The following LSM12 variants were observed in gnomAD, a reference collection of about 807,000 sequenced individuals.
LSM12 encodes the protein protein LSM12.
For synonymous variants in LSM12, 74 were observed against 87.3 expected, an observed-to-expected ratio of 0.85 and a Z score of 0.85; for missense variants, 108 against 238.9, an observed-to-expected ratio of 0.45 and a Z score of 3.61.
At chr17:44,040,741 G>A (rs188666677) in intron 2 of LSM12, among the ~76,000 whole-genome samples, 6 of 151,848 alleles carry the variant, frequency 4.0e-5, no homozygotes, top group East Asian at 3.9e-4. Context: ...TTGGGAGGCC[G>A]AGGCAGGTGG....
intron 2 of LSM12, among the ~76,000 whole-genome samples, chr17:44,053,409 C>T (rs1343761796): frequency 6.6e-6 from 1 of 152,206 alleles, no homozygotes; most frequent in African/African-American, 2.4e-5. Context: ...TATGCTGTCA[C>T]GTACCTTGGA....
At chr17:44,052,662 G>A (rs1169037071) in intron 2 of LSM12, among the ~76,000 whole-genome samples, 1 of 151,924 alleles carries the variant, frequency 6.6e-6, no homozygotes, top group African/African-American at 2.4e-5. Context: ...GGGAGGCTGA[G>A]GCAGGAGAAT....
At chr17:44,064,413 G>C (rs1006974771) in intron 1 of LSM12, among the ~76,000 whole-genome samples, 5 of 152,156 alleles carry the variant, frequency 3.3e-5, no homozygotes, top group Admixed American at 6.6e-5. Context: ...CCATTTAAGA[G>C]CCTACTGTAT....
intron 3 of LSM12, among the ~76,000 whole-genome samples, chr17:44,039,325 G>C (rs1005879498): frequency 2.7e-5 from 4 of 149,090 alleles, no homozygotes; most frequent in African/African-American, 9.9e-5. Flanking sequence ...AAAGTGCTGG[G>C]ATTACAGGCG....
intron 2 of LSM12, among the ~76,000 whole-genome samples, chr17:44,059,167 T>C (rs770491557): frequency 1.3e-5 from 2 of 151,932 alleles, no homozygotes; most frequent in Non-Finnish European, 2.9e-5. Flanking sequence ...AGACTATATC[T>C]CTAAAAAACA....
rs184108543 is a variant in LSM12, at chr17:44,041,081, G to C, written c.259-825C>G. ...AGGTAGGGAGTTCGAGACCAGCCTG[G>C]CCAACATGGTGAAACCCCGTCTCTA... On this transcript the variant is annotated intron_variant, in intron 2 of 4. Transcript: ENST00000293406. Among the ~76,000 whole-genome samples, 8 of 149,474 alleles carry C rather than the reference G, an allele frequency of 5.4e-5. No individual in the cohort carries two copies. In the East Asian group the frequency reaches 1.6e-3, roughly 29 times the overall value.
At chr17:44,056,768 C>T (rs2049719894) in intron 2 of LSM12, among the ~76,000 whole-genome samples, 1 of 151,940 alleles carries the variant, frequency 6.6e-6, no homozygotes, top group African/African-American at 2.4e-5. Flanking sequence ...GAGGCCGAGG[C>T]AAATCACCTG....
intron 2 of LSM12, among the ~76,000 whole-genome samples, chr17:44,060,436 A>G (rs542829492): frequency 7.8e-4 from 119 of 152,356 alleles, no homozygotes; most frequent in African/African-American, 2.8e-3. Flanking sequence ...TTCTAAGTCA[A>G]TCTCCAAAAA....
chr17:44,036,311 C>G lies in LSM12; in HGVS notation c.496-11G>C. 1 of 1,614,062 alleles carries G rather than the reference C, an allele frequency of 6.2e-7. No homozygotes were observed. The highest frequency in any genetic ancestry group is 8.5e-7 in the Non-Finnish European group (1 of 1,179,968). ...AAAATGTTTTTCAACCTGAAAAAGA[C>G]CAGGCAACCCAGGTCAACAAAGGAG... On this transcript the variant is annotated splice_polypyrimidine_tract_variant and intron_variant, in intron 4 of 4. Coordinates refer to ENST00000293406, the MANE Select transcript of LSM12 (RefSeq NM_001371445.1).
At chr17:44,042,031 A>G (rs2049501632) in intron 2 of LSM12, among the ~76,000 whole-genome samples, 1 of 152,194 alleles carries the variant, frequency 6.6e-6, no homozygotes, top group South Asian at 2.1e-4. Context: ...TCACGCCTAT[A>G]ATCCCAGTAC....
intron 2 of LSM12, among the ~76,000 whole-genome samples, chr17:44,044,350 C>T (rs574213430): frequency 4.5e-4 from 68 of 152,170 alleles, no homozygotes; most frequent in African/African-American, 1.2e-3. Context: ...CCCCCACCCC[C>T]GCCAAAATAC....
At chr17:44,039,162 C>A (rs559120277) in intron 3 of LSM12, among the ~76,000 whole-genome samples, 1 of 152,226 alleles carries the variant, frequency 6.6e-6, no homozygotes, top group Non-Finnish European at 1.5e-5. Flanking sequence ...TCAAGCGAAT[C>A]TCCTGCCTCA....
chr17:44,057,671 A>G (rs1171030879), intron 2 of LSM12, among the ~76,000 whole-genome samples: 1 of 151,524 alleles, frequency 6.6e-6, no homozygotes, highest in African/African-American at 2.4e-5. Context: ...GAGGTAGAGA[A>G]CTGCTTGAAC....
At chr17:44,062,853 T>A (rs1376761355) in intron 2 of LSM12, among the ~76,000 whole-genome samples, 3 of 151,158 alleles carry the variant, frequency 2.0e-5, no homozygotes, top group Admixed American at 2.0e-4. Flanking sequence ...TGAAACCCCG[T>A]CTCTACTAAA....
intron 3 of LSM12, among the ~76,000 whole-genome samples, chr17:44,037,952 T>G (rs1216430418): frequency 2.6e-5 from 4 of 152,186 alleles, no homozygotes; most frequent in Non-Finnish European, 5.9e-5. Flanking sequence ...CTGCCATAGT[T>G]GTACAAAAGT....
chr17:44,041,277 AAAAAAAAAAAC>A (rs1220987098), intron 2 of LSM12, among the ~76,000 whole-genome samples: 1,244 of 85,682 alleles, frequency 0.015, 9 homozygotes, highest in Middle Eastern at 0.035. Flanking sequence ...TCTCTTTAAA[AAAAAAAAAAAC>A]AAACACACAC....
chr17:44,059,526 C>A (rs1159155236), intron 2 of LSM12, among the ~76,000 whole-genome samples: 2 of 151,912 alleles, frequency 1.3e-5, no homozygotes, highest in African/African-American at 4.8e-5. Context: ...GAGATCACAC[C>A]GGGCAATGGA....
intron 2 of LSM12, among the ~76,000 whole-genome samples, chr17:44,047,253 T>C (rs904477092): frequency 1.3e-5 from 2 of 152,192 alleles, no homozygotes; most frequent in Admixed American, 1.3e-4. Flanking sequence ...TTAATTGGAC[T>C]GTCTTTTTTT....
intron 2 of LSM12, among the ~76,000 whole-genome samples, chr17:44,059,131 T>G (rs2049761134): frequency 6.6e-6 from 1 of 152,068 alleles, no homozygotes; most frequent in African/African-American, 2.4e-5. Context: ...ATCATGCCAC[T>G]GCACTCTAGC....
Sources: gnomAD v4.1 joint callset for allele counts (sites outside exome capture counted in the v4.1 genomes callset) on GRCh38, gnomAD v4.1.1 for gene constraint, MANE v1.5 for transcripts, NCBI Gene and HGNC (gene_info 2026-07-23, HGNC 2026-07-21) for gene names.